CSMD1: variants seen among roughly 807,000 people sequenced by gnomAD.
CSMD1 encodes CUB and Sushi multiple domains 1.
A neutral mutation model predicts 417.5 loss-of-function variants in CSMD1; 213 were observed. The ratio of observed to expected loss-of-function variants is 0.51; its 90% confidence interval spans 0.46 to 0.57. CSMD1 has a LOEUF of 0.57. Among genes scored for constraint, CSMD1 ranks in the 20% least tolerant of loss-of-function variants. The pLI, the probability that CSMD1 is intolerant of heterozygous loss-of-function variation, is 0.00. For synonymous variants in CSMD1, 2,862 were observed against 1,736.8 expected (o/e 1.65, Z -16.11); for missense variants, 6,923 against 4,529.7 (o/e 1.53, Z -15.17).
At chr8:3,927,114 T>A (rs569087408) in intron 5 of CSMD1, among the ~76,000 whole-genome samples, 1 of 152,080 alleles carries the variant, frequency 6.6e-6, no homozygotes, top group South Asian at 2.1e-4. Flanking sequence ...CGTTTTTAAC[T>A]GAGAATAATA....
chr8:4,492,576 G>C (rs529420467), intron 2 of CSMD1, among the ~76,000 whole-genome samples: 4 of 152,076 alleles, frequency 2.6e-5, no homozygotes, highest in Admixed American at 6.6e-5. Context: ...CAATATAATC[G>C]TTTTCAGTAA....
At chr8:4,343,854 C>G (rs1800626955) in intron 3 of CSMD1, among the ~76,000 whole-genome samples, 2 of 152,122 alleles carry the variant, frequency 1.3e-5, no homozygotes, top group South Asian at 2.1e-4. Flanking sequence ...TCGTACATCT[C>G]CTGTAGCATA....
At chr8:4,355,450 A>C (rs928298608) in intron 3 of CSMD1, among the ~76,000 whole-genome samples, 3 of 152,130 alleles carry the variant, frequency 2.0e-5, no homozygotes, top group Non-Finnish European at 4.4e-5. Context: ...TGCATGTAGG[A>C]AAGCATAAAT....
chr8:3,394,718 G>T (rs1811580691), intron 17 of CSMD1, among the ~76,000 whole-genome samples: 1 of 152,078 alleles, frequency 6.6e-6, no homozygotes, highest in South Asian at 2.1e-4. Flanking sequence ...TACACATATT[G>T]TTACTTCAAA....
At chr8:3,629,932 G>C (rs570025959) in intron 7 of CSMD1, among the ~76,000 whole-genome samples, 1 of 152,298 alleles carries the variant, frequency 6.6e-6, no homozygotes, top group East Asian at 1.9e-4. Context: ...CACAGTGTTT[G>C]TTTGTTGCCT....
chr8:3,314,108 C>A (rs976115854), intron 23 of CSMD1, among the ~76,000 whole-genome samples: 2 of 148,940 alleles, frequency 1.3e-5, no homozygotes, highest in Non-Finnish European at 3.0e-5. Context: ...CATCACACAC[C>A]GGAGCCTGTT....
chr8:3,978,535 G>A (rs756854528), intron 5 of CSMD1, among the ~76,000 whole-genome samples: 9 of 152,220 alleles, frequency 5.9e-5, no homozygotes, highest in African/African-American at 2.2e-4. Context: ...ACTTATGTGA[G>A]TTTGGCAAAG....
intron 41 of CSMD1, among the ~76,000 whole-genome samples, chr8:3,134,892 G>A (rs761300895): frequency 1.3e-5 from 2 of 152,128 alleles, no homozygotes; most frequent in Admixed American, 6.5e-5. Flanking sequence ...AGAGTGTGGC[G>A]CAGAGTGAGC....
chr8:3,815,841 T>C (rs1171075874), intron 5 of CSMD1, among the ~76,000 whole-genome samples: 1 of 152,134 alleles, frequency 6.6e-6, no homozygotes, highest in East Asian at 1.9e-4. Context: ...AATCCCAGCA[T>C]GTGGCAGAGA....
At chr8:4,715,686 T>G (rs1808607705) in intron 1 of CSMD1, among the ~76,000 whole-genome samples, 2 of 152,170 alleles carry the variant, frequency 1.3e-5, no homozygotes, top group South Asian at 2.1e-4. Flanking sequence ...AACTGTTCCC[T>G]TCTAGGCGTT....
At chr8:3,671,086 AGGGATATATATGTAT>A (rs1258527177) in intron 7 of CSMD1, among the ~76,000 whole-genome samples, 5 of 91,334 alleles carry the variant, frequency 5.5e-5, no homozygotes, top group South Asian at 3.6e-4. Flanking sequence ...TATACATATA[AGGGATATATATGTAT>A]GGGATATATA....
intron 2 of CSMD1, among the ~76,000 whole-genome samples, chr8:4,529,716 A>C (rs1034882386): frequency 5.3e-5 from 8 of 152,052 alleles, no homozygotes; most frequent in African/African-American, 1.9e-4. Flanking sequence ...TGGCAATCCT[A>C]CTATGGGGTT....
chr8:3,308,592 C>A, intron 23 of CSMD1, 89 bp from the exon 24 acceptor site: 1 of 1,034,728 alleles, frequency 9.7e-7, no homozygotes, highest in Admixed American at 2.2e-5. Flanking sequence ...TTGCTAAATG[C>A]TCCTTGAAGG....
intron 3 of CSMD1, among the ~76,000 whole-genome samples, chr8:4,348,530 T>G (rs1031544159): frequency 1.3e-5 from 2 of 150,868 alleles, no homozygotes; most frequent in Non-Finnish European, 3.0e-5. Flanking sequence ...ATTTTGAGAG[T>G]TGTATCACAA....
Position 3,880,240 on chromosome 8 carries a change from A to C in CSMD1, c.818+117663T>G, listed in dbSNP as rs544337363. 1.4e-4 allele frequency among the ~76,000 whole-genome samples: 21 copies of C among 152,278 alleles called. No individual in the cohort carries two copies. In the South Asian group the frequency reaches 4.4e-3, roughly 32 times the overall value. On this transcript the variant is annotated intron_variant, in intron 5 of 69. Coordinates refer to ENST00000635120, the MANE Select transcript of CSMD1 (RefSeq NM_033225.6). ...TTTCAGGTGCAATTCTATATGAATC[A>C]CCTTCTCTTAACATTCATGAGAACT...
intron 3 of CSMD1, among the ~76,000 whole-genome samples, chr8:4,353,049 T>C (rs911837968): frequency 2.0e-5 from 3 of 152,220 alleles, no homozygotes; most frequent in South Asian, 2.1e-4. Flanking sequence ...TATTAGATTG[T>C]AGAAAGAGTA....
At chr8:2,995,813 C>T (rs1444310854) in intron 54 of CSMD1, among the ~76,000 whole-genome samples, 1 of 152,184 alleles carries the variant, frequency 6.6e-6, no homozygotes, top group Admixed American at 6.5e-5. Flanking sequence ...CTGCACACCA[C>T]ATGATTTCAT....
At position 3,551,604 on chromosome 8, in the gene CSMD1, T is replaced by A. The variant is rs531305254; in HGVS notation, c.1344+23341A>T. 9.7e-3 allele frequency among the ~76,000 whole-genome samples: 1,266 copies of A among 130,448 alleles called. 20 individuals are homozygous for A. The highest frequency in any genetic ancestry group is 0.034 in the African/African-American group (1,160 of 34,456). The allele number at this position is 130,448 out of a possible 152,430, so 85.6% of individuals were successfully genotyped here. ...TATATATATATATATATATTTTTTT[T>A]TTTTTTTTTTCTGAAGATACATTAT... On this transcript the variant is annotated intron_variant, in intron 10 of 69. Transcript: ENST00000635120.
At chr8:4,733,267 A>G (rs1321505302) in intron 1 of CSMD1, among the ~76,000 whole-genome samples, 1 of 152,356 alleles carries the variant, frequency 6.6e-6, no homozygotes, top group East Asian at 1.9e-4. Context: ...AAACATCAAC[A>G]ATATGCAGAA....
Sources: allele counts gnomAD v4.1 joint callset (sites outside exome capture counted in the v4.1 genomes callset), GRCh38; gene constraint gnomAD v4.1.1; transcripts MANE v1.5; gene names NCBI Gene and HGNC (gene_info 2026-07-23, HGNC 2026-07-21).